ARHGAP12: variants seen among roughly 807,000 people sequenced by gnomAD.
ARHGAP12 encodes Rho GTPase activating protein 12.
In ARHGAP12, 64 loss-of-function variants were observed where a neutral mutation model predicts 108.6. The ratio of observed to expected loss-of-function variants is 0.59; its 90% CI spans 0.48 to 0.73. ARHGAP12 has a LOEUF of 0.73. ARHGAP12 is among the 30% of genes least tolerant of loss of function. The pLI is 0.00. For missense variants in ARHGAP12, 940 were observed against 1,005.9 expected (o/e 0.93, Z 0.89); for synonymous variants, 312 against 337.2 (o/e 0.93, Z 0.82).
chr10:31,819,503 A>G (rs1592250371), intron 12 of ARHGAP12, among the ~76,000 whole-genome samples: 1 of 152,192 alleles, frequency 6.6e-6, no homozygotes, highest in East Asian at 1.9e-4. Context: ...ACAACTCTGA[A>G]TACTTGGCTA....
At chr10:31,817,915 G>T in intron 12 of ARHGAP12, 29 bp from the exon 13 acceptor site, 1 of 1,559,708 alleles carries the variant, frequency 6.4e-7, no homozygotes, top group South Asian at 1.1e-5. Flanking sequence ...AGAAAAAAGA[G>T]TATGGTCAGT....
chr10:31,882,123 C>A (rs1837994535), intron 3 of ARHGAP12, among the ~76,000 whole-genome samples: 3 of 151,878 alleles, frequency 2.0e-5, no homozygotes, highest in African/African-American at 7.3e-5. Context: ...ACCGTTTTAG[C>A]CGGGATGGTC....
intron 9 of ARHGAP12, among the ~76,000 whole-genome samples, chr10:31,838,827 T>G (rs1298566882): frequency 3.0e-5 from 2 of 65,752 alleles, no homozygotes; most frequent in African/African-American, 9.8e-5. Context: ...TGAGGCTCCA[T>G]CTCAAAAAAA....
chr10:31,889,448 G>T (rs1196784247), intron 3 of ARHGAP12, among the ~76,000 whole-genome samples: 5 of 151,932 alleles, frequency 3.3e-5, no homozygotes, highest in Admixed American at 6.6e-5. Context: ...TTGCTATAAA[G>T]AATAATACAA....
At chr10:31,924,024 C>A (rs1839930006) in intron 1 of ARHGAP12, among the ~76,000 whole-genome samples, 1 of 152,292 alleles carries the variant, frequency 6.6e-6, no homozygotes, top group Non-Finnish European at 1.5e-5. Flanking sequence ...TCACTACTCA[C>A]CTACTGGATG....
At position 31,839,321 on chromosome 10, in the gene ARHGAP12, TG is replaced by T; in HGVS notation, c.1372-3del. On this transcript the variant is annotated splice_polypyrimidine_tract_variant and splice_region_variant and intron_variant, in intron 8 of 19. Transcript: ENST00000344936. ...GCTTCTTACCTTTGGACTGCTGGCC[TG>T]AGGAAAAAAAGAGTAAAGTATAATG... 6.2e-7 allele frequency: 1 copy of T among 1,608,700 alleles called. No homozygotes were observed.
At chr10:31,905,803 G>C (rs1389589221) in intron 3 of ARHGAP12, among the ~76,000 whole-genome samples, 3 of 149,154 alleles carry the variant, frequency 2.0e-5, no homozygotes, top group African/African-American at 7.8e-5. Flanking sequence ...GGGAAAAGAG[G>C]ACTGTTGATA....
At chr10:31,914,522 A>G (rs960109165) in intron 1 of ARHGAP12, among the ~76,000 whole-genome samples, 1 of 152,216 alleles carries the variant, frequency 6.6e-6, no homozygotes, top group Non-Finnish European at 1.5e-5. Context: ...AGACACACAA[A>G]AAGCCAATAA....
At chr10:31,881,770 AG>A (rs1228079757) in intron 3 of ARHGAP12, among the ~76,000 whole-genome samples, 4 of 152,188 alleles carry the variant, frequency 2.6e-5, no homozygotes, top group Non-Finnish European at 5.9e-5. Flanking sequence ...CATTTCTTAG[AG>A]CTGTGTTTAA....
At position 31,835,215 on chromosome 10, in the gene ARHGAP12, AAAG is replaced by A. The variant is rs1239020538; in HGVS notation, c.1387-3418_1387-3416del. Reference sequence around the variant, plus strand: ...TCCGTCTCAAAAGAAAAAAAAAAAAAAAGAAAAAAATTTAAACAGATTTTTATT... The same window carrying A: ...TCCGTCTCAAAAGAAAAAAAAAAAAAAAAAAAATTTAAACAGATTTTTATT... On this transcript the variant is annotated intron_variant, in intron 9 of 19. Transcript: ENST00000344936. Among the ~76,000 whole-genome samples the A allele has an allele frequency of 9.8e-3, 1,448 of 147,966 alleles. 34 individuals are homozygous for A. Among genetic ancestry groups the A allele is most frequent in the African/African-American group, 0.033 (1,272 of 39,130 alleles).
chr10:31,908,636 G>A lies in ARHGAP12; in HGVS notation c.220C>T (p.Arg74Cys), dbSNP rs200030472. 1.0e-4 allele frequency: 166 copies of A among 1,614,002 alleles called. No homozygotes were observed. The highest frequency in any genetic ancestry group is 1.3e-4 in the Non-Finnish European group (154 of 1,180,030). ...TTAACAGGTGGCATGAGAGCTTTGCGCGTGACCTCCTTCACATACTGGGCT... is the reference window on the plus strand; with the variant it reads ...TTAACAGGTGGCATGAGAGCTTTGCACGTGACCTCCTTCACATACTGGGCT... Reference protein sequence around the residue: ...VPAQYVKEVTRKALMPPVKQV... With the variant: ...VPAQYVKEVTCKALMPPVKQV... Residue 74 changes from arginine to cysteine, a missense_variant, in exon 3 of 20, where the codon CGC (arginine) becomes TGC (cysteine). Transcript: ENST00000344936.
chr10:31,910,985 T>C (rs1839319435), intron 1 of ARHGAP12, among the ~76,000 whole-genome samples: 2 of 152,162 alleles, frequency 1.3e-5, no homozygotes, highest in Admixed American at 6.5e-5. Context: ...CCTAACACAT[T>C]TGTCCCCTGA....
intron 11 of ARHGAP12, among the ~76,000 whole-genome samples, chr10:31,823,538 G>A (rs893619061): frequency 1.3e-5 from 2 of 151,702 alleles, no homozygotes; most frequent in South Asian, 2.1e-4. Flanking sequence ...TTTGAATAGC[G>A]TGGGTGACTG....
Position 31,861,645 on chromosome 10 carries a change from G to T in ARHGAP12, c.698C>A (p.Pro233Gln). 1 of 1,603,254 alleles carries T rather than the reference G, an allele frequency of 6.2e-7. No individual in the cohort carries two copies. The highest frequency in any genetic ancestry group is 8.5e-7 in the Non-Finnish European group (1 of 1,176,002). Residue 233 changes from proline to glutamine, a missense_variant, in exon 4 of 20, where the codon CCA becomes CAA. Physicochemically the swap from Pro to Gln is moderately conservative, Grantham distance 76. Transcript: ENST00000344936. ...AGGAGAATCTGGCCTTCCTTGATTT[G>T]GAGGTGTGGTTGCCTGTGAAATAAA... is the stretch of plus-strand genomic sequence containing the variant. ...STEQIRATTP[P>Q]NQGRPDSPVY...
chr10:31,928,474 T>G (rs1168044159), intron 1 of ARHGAP12, among the ~76,000 whole-genome samples: 3 of 140,804 alleles, frequency 2.1e-5, no homozygotes, highest in African/African-American at 3.0e-5. Context: ...CCTCGGCGCC[T>G]AACCCCCGCG....
chr10:31,837,108 C>A (rs1319112762), intron 9 of ARHGAP12, among the ~76,000 whole-genome samples: 1 of 152,144 alleles, frequency 6.6e-6, no homozygotes, highest in Non-Finnish European at 1.5e-5. Context: ...GCATGTGCAA[C>A]ATTTAAAAAC....
Position 31,843,449 on chromosome 10 carries a change from CA to C in ARHGAP12, c.1296+11del. 6.2e-7 allele frequency: 1 copy of C among 1,606,780 alleles called. No individual in the cohort carries two copies. The highest frequency in any genetic ancestry group is 8.5e-7 in the Non-Finnish European group (1 of 1,177,936). On this transcript the variant is annotated intron_variant, in intron 7 of 19. Transcript: ENST00000344936. The stretch of plus-strand genomic sequence containing the variant: ...AATGCAAAGAACTTGCCAAAAATCT[CA>C]ACAGTCCTACCTTATCATTAGTGTC...
At chr10:31,846,416 T>C (rs983267811) in intron 6 of ARHGAP12, among the ~76,000 whole-genome samples, 3 of 152,206 alleles carry the variant, frequency 2.0e-5, no homozygotes, top group African/African-American at 7.2e-5. Context: ...TAGGGATAAA[T>C]CTCTTAGTTT....
chr10:31,843,404 T>C (rs1015901076), intron 7 of ARHGAP12, 57 bp downstream of exon 7: 2 of 1,515,368 alleles, frequency 1.3e-6, no homozygotes, highest in Non-Finnish European at 1.8e-6. Flanking sequence ...TACGAATAGT[T>C]ACAATTCACT....
Sources: allele counts gnomAD v4.1 joint callset (sites outside exome capture counted in the v4.1 genomes callset), GRCh38; gene constraint gnomAD v4.1.1; transcripts MANE v1.5; gene names NCBI Gene and HGNC (gene_info 2026-07-23, HGNC 2026-07-21).